Variants in KCNS1 observed in about 807,000 individuals in gnomAD.
KCNS1 encodes the protein potassium voltage-gated channel modifier subfamily S member 1.
KCNS1 carries 26 observed loss-of-function variants against 33.1 expected under a neutral mutation model. The ratio of observed to expected loss-of-function variants is 0.79; its 90% CI spans 0.58 to 1.09. The LOEUF is 1.09. KCNS1 is among the 50% of genes least tolerant of loss of function. KCNS1 has a pLI of 0.00. For missense variants in KCNS1, 702 were observed against 752.4 expected (o/e 0.93, Z 0.78); for synonymous variants, 299 against 338.8 (o/e 0.88, Z 1.29).
In KCNS1 at chr20:45,098,504, G is replaced by GC. The variant is rs1981286330; in HGVS notation, c.267dup (p.Arg90AlafsTer286). On this transcript the variant is annotated frameshift_variant, in exon 3 of 4. Transcript: ENST00000537075. LOFTEE classifies it high-confidence loss of function. This position sits in a 1 kb window ranked among gnomAD's most constrained non-coding sequence, Gnocchi z 5.2. ...GCCTCGTCGTAGTCGTCGCACAGGC[G>GC]CCGCGCCTGCTCCTCCGACGCCGCG... The GC allele has an allele frequency of 6.5e-7, 1 of 1,536,960 alleles. No homozygotes were observed. Among genetic ancestry groups the GC allele is most frequent in the African/African-American group, 1.4e-5 (1 of 71,004 alleles).
In KCNS1 at chr20:45,098,728, C is replaced by A; in HGVS notation, c.77-33G>T. The A allele has an allele frequency of 7.5e-7, 1 of 1,341,188 alleles. No individual in the cohort carries two copies. Among genetic ancestry groups the A allele is most frequent in the South Asian group, 2.0e-5 (1 of 48,860 alleles). The allele number at this position is 1,341,188 out of a possible 1,614,324, so 83.1% of individuals were successfully genotyped here. On this transcript the variant is annotated intron_variant, in intron 2 of 3. Coordinates refer to ENST00000537075, the MANE Select transcript of KCNS1 (RefSeq NM_001322799.2). This position sits in a 1 kb window ranked among gnomAD's most constrained non-coding sequence, Gnocchi z 5.2. ...CACCAGAAGGGCGCGCTGAGGAGTT[C>A]CCGGGCTTCCCTTCCTGGAAGACCA...
At chr20:45,099,846 C>T (rs1164722056) in intron 1 of KCNS1, among the ~76,000 whole-genome samples, 1 of 152,216 alleles carries the variant, frequency 6.6e-6, no homozygotes, top group Non-Finnish European at 1.5e-5. Context: ...GCTAGTGACA[C>T]CTCCTCACCA....
chr20:45,097,579 G>T, intron 3 of KCNS1, 83 bp downstream of exon 3: 1 of 1,358,448 alleles, frequency 7.4e-7, no homozygotes, highest in Non-Finnish European at 1.0e-6. Flanking sequence ...GCCTGGACTC[G>T]GCAGGCTTGT....
At position 45,094,979 on chromosome 20, in the gene KCNS1, C is replaced by G. The variant is rs765465660; in HGVS notation, c.1472G>C (p.Gly491Ala). Reference sequence around the variant, plus strand: ...TGTCTCCAGAGATGCCTCCGACACCCCATCAATGCTGCTCAGCAAGTCCTC... The same window carrying G: ...TGTCTCCAGAGATGCCTCCGACACCGCATCAATGCTGCTCAGCAAGTCCTC... ...EFEDLLSSID[G>A]VSEASLETSR... The change falls in exon 4 of 4, where the codon GGG (glycine) becomes GCG (alanine). Residue 491 changes from glycine to alanine, a missense_variant. By Grantham distance (60) the Gly-to-Ala change is moderately conservative. Coordinates refer to ENST00000537075, the MANE Select transcript of KCNS1 (RefSeq NM_001322799.2). 1 of 1,613,820 alleles carries G rather than the reference C, an allele frequency of 6.2e-7. No individual in the cohort carries two copies. The highest frequency in any genetic ancestry group is 2.2e-5 in the East Asian group (1 of 44,848).
chr20:45,098,182 G>C lies in KCNS1; in HGVS notation c.590C>G (p.Ala197Gly). The C allele has an allele frequency of 6.2e-7, 1 of 1,603,266 alleles. No individual in the cohort carries two copies. The highest frequency in any genetic ancestry group is 8.5e-7 in the Non-Finnish European group (1 of 1,175,986). ...VQRELARYGA[A>G]RCGRLRRRLW... ...GCGGCGGCGCAGGCGGCCACAGCGC[G>C]CCGCGCCATAGCGCGCCAGTTCTCG... The change falls in exon 3 of 4, where the codon GCG becomes GGG. Residue 197 changes from alanine to glycine, a missense_variant. Transcript: ENST00000537075. The surrounding 1 kb of genome is among the most constrained non-coding windows in gnomAD (Gnocchi z 5.2).
At chr20:45,099,292 C>CG in intron 1 of KCNS1, 53 bp from the exon 2 acceptor site, 2 of 967,778 alleles carry the variant, frequency 2.1e-6, no homozygotes, top group Non-Finnish European at 3.3e-6. Flanking sequence ...TTTACTGAAT[C>CG]GGGAACTCTA....
At chr20:45,097,073 C>T (rs1238965462) in intron 3 of KCNS1, among the ~76,000 whole-genome samples, 2 of 152,266 alleles carry the variant, frequency 1.3e-5, no homozygotes, top group Non-Finnish European at 2.9e-5. Context: ...CCAGGCTTTA[C>T]AGAGCCAACC....
At position 45,098,655 on chromosome 20, in the gene KCNS1, G is replaced by T. The variant is rs201526054; in HGVS notation, c.117C>A (p.Pro39=). ...TTCGCCGCCAGCGGATCCCGGTGTC[G>T]GGGCCCGGGAACTCGCTCACAAAGG... ...TETFVSEFPG[P]DTGIRWRRSD... The change falls in exon 3 of 4, where the codon CCC becomes CCA. Residue 39 remains proline, a synonymous_variant. Coordinates refer to ENST00000537075, the MANE Select transcript of KCNS1 (RefSeq NM_001322799.2). This position sits in a 1 kb window ranked among gnomAD's most constrained non-coding sequence, Gnocchi z 5.2. 19 of 1,466,894 alleles carry T rather than the reference G, an allele frequency of 1.3e-5. No homozygotes were observed. The highest frequency in any genetic ancestry group is 1.7e-5 in the Non-Finnish European group (19 of 1,111,088). The allele number at this position is 1,466,894 out of a possible 1,614,324, so 90.9% of individuals were successfully genotyped here.
intron 3 of KCNS1, 64 bp from the exon 4 acceptor site, chr20:45,095,404 T>C (rs866195472): frequency 4.9e-6 from 7 of 1,420,728 alleles, no homozygotes; most frequent in Non-Finnish European, 6.7e-6. Flanking sequence ...ATTAGGCATA[T>C]GGGGAAACTG....
At position 45,098,244 on chromosome 20, in the gene KCNS1, G is replaced by A. The variant is rs1194823861; in HGVS notation, c.528C>T (p.Ser176=). 4 of 1,600,086 alleles carry A rather than the reference G, an allele frequency of 2.5e-6. No individual in the cohort carries two copies. The highest frequency in any genetic ancestry group is 3.4e-6 in the Non-Finnish European group (4 of 1,175,214). Residue 176 remains serine (S), a synonymous_variant, in exon 3 of 4, where the codon AGC becomes AGT. Coordinates refer to ENST00000537075, the MANE Select transcript of KCNS1 (RefSeq NM_001322799.2). The surrounding 1 kb of genome is among the most constrained non-coding windows in gnomAD (Gnocchi z 5.2). The part of the protein sequence containing the change: ...AWDEDSDTPS[S]VDPCPDEISD... ...AGATCTCGTCGGGGCACGGGTCCAC[G>A]CTGCTCGGCGTGTCGCTGTCCTCGT...
In KCNS1 at chr20:45,093,290, T is replaced by G. The variant is rs1304353714; in HGVS notation, c.*1580A>C. Reference sequence around the variant, plus strand: ...GAGTGAAGAACCTACAAGGAATATATTGTAAAAACTTCAAGAACCAAGCAG... The same window carrying G: ...GAGTGAAGAACCTACAAGGAATATAGTGTAAAAACTTCAAGAACCAAGCAG... On this transcript the variant is annotated 3_prime_UTR_variant, in exon 4 of 4. Transcript: ENST00000537075. 1.3e-5 allele frequency: 2 copies of G among 152,092 alleles called. No individual in the cohort carries two copies. Among genetic ancestry groups the G allele is most frequent in the Admixed American group, 1.3e-4 (2 of 15,260 alleles). The allele number at this position is 152,092 out of a possible 1,614,324, so 9.4% of individuals were successfully genotyped here. A position where few individuals can be genotyped will look rare whatever the true frequency, so the allele number is the denominator to read the frequency against.
rs1184152917 is a variant in KCNS1 at position 45,098,642 on chromosome 20, G to A, written c.130C>T (p.Arg44Cys). ...AGCGCCTCGTCGCTTCGCCGCCAGC[G>A]GATCCCGGTGTCGGGGCCCGGGAAC... is the stretch of plus-strand genomic sequence containing the variant. The part of the protein sequence containing the change: ...SEFPGPDTGI[R>C]WRRSDEALRV... Residue 44 changes from arginine (R) to cysteine (C), a missense_variant, in exon 3 of 4, where the codon CGC (arginine) becomes TGC (cysteine). Physicochemically the swap from Arg to Cys is radical, Grantham distance 180. This residue lies in a region of KCNS1 where 374 missense variants were observed against 352.3 expected (regional missense o/e 1.06). Coordinates refer to ENST00000537075, the MANE Select transcript of KCNS1 (RefSeq NM_001322799.2). This position sits in a 1 kb window ranked among gnomAD's most constrained non-coding sequence, Gnocchi z 5.2. 6.1e-6 allele frequency: 9 copies of A among 1,473,862 alleles called. No homozygotes were observed. Among genetic ancestry groups the A allele is most frequent in the Non-Finnish European group, 8.1e-6 (9 of 1,113,860 alleles). 91.3% of individuals were successfully genotyped at this position (1,473,862 alleles called of 1,614,324 possible).
rs1484004761 is a variant in KCNS1 at position 45,099,274 on chromosome 20, G to A, written c.-3-35C>T. On this transcript the variant is annotated intron_variant, in intron 1 of 3. Coordinates refer to ENST00000537075, the MANE Select transcript of KCNS1 (RefSeq NM_001322799.2). ...TGTCAAAGATGCAAATTCTCAGCCT[G>A]CCATCGATTTACTGAATCGGGAACT... The A allele has an allele frequency of 3.7e-5, 42 of 1,133,946 alleles. No homozygotes were observed. In the Admixed American group the frequency reaches 7.7e-4, roughly 21 times the overall value. The allele number at this position is 1,133,946 out of a possible 1,614,324, so 70.2% of individuals were successfully genotyped here.
Position 45,097,977 on chromosome 20 carries a change from G to A in KCNS1, c.795C>T (p.Gly265=), listed in dbSNP as rs1030401147. ...GTCGCAGCACCGGGTCGTCGCGCAC[G>A]CCTTCCGGGCTGCGGCCCGCGGCCA... ...AAVAAGRSPE[G]VRDDPVLRRL... The change falls in exon 3 of 4, where the codon GGC becomes GGT. Residue 265 remains glycine (G), a synonymous_variant. Transcript: ENST00000537075. The A allele has an allele frequency of 6.5e-7, 1 of 1,545,214 alleles. No individual in the cohort carries two copies. The highest frequency in any genetic ancestry group is 2.0e-5 in the Admixed American group (1 of 50,166).
At position 45,098,171 on chromosome 20, in the gene KCNS1, G is replaced by A; in HGVS notation, c.601C>T (p.Arg201Cys). 6.2e-7 allele frequency: 1 copy of A among 1,601,608 alleles called. No individual in the cohort carries two copies. Residue 201 changes from arginine to cysteine, a missense_variant, in exon 3 of 4, where the codon CGC becomes TGC. By Grantham distance (180) the Arg-to-Cys change is radical (BLOSUM62 -3). This residue lies in a region of KCNS1 where 374 missense variants were observed against 352.3 expected (regional missense o/e 1.06). Coordinates refer to ENST00000537075, the MANE Select transcript of KCNS1 (RefSeq NM_001322799.2). The surrounding 1 kb of genome is among the most constrained non-coding windows in gnomAD (Gnocchi z 5.2). ...LARYGAARCG[R>C]LRRRLWLTME... Reference sequence around the variant, plus strand: ...GTCAGCCAGAGGCGGCGGCGCAGGCGGCCACAGCGCGCCGCGCCATAGCGC... The same window carrying A: ...GTCAGCCAGAGGCGGCGGCGCAGGCAGCCACAGCGCGCCGCGCCATAGCGC...
chr20:45,097,811 G>C lies in KCNS1; in HGVS notation c.961C>G (p.Leu321Val). 3 of 1,613,694 alleles carry C rather than the reference G, an allele frequency of 1.9e-6. No homozygotes were observed. The highest frequency in any genetic ancestry group is 2.5e-6 in the Non-Finnish European group (3 of 1,179,978). The stretch of plus-strand genomic sequence containing the variant: ...TGGTCGCCCAGTGCCACACCAGCCA[G>C]CAGCGTGAGATAGAAGGGCAGCACA... ...VSVLPFYLTLLAGVALGDQGG... is the reference protein window; with the variant it reads ...VSVLPFYLTLVAGVALGDQGG... The change falls in exon 3 of 4, where the codon CTG becomes GTG. Residue 321 changes from leucine to valine, a missense_variant. Leu to Val is a conservative substitution (Grantham distance 32). Around this residue, in one of 3 missense-constraint regions of KCNS1, gnomAD observed 253 missense variants for 327.4 expected, o/e 0.77. Coordinates refer to ENST00000537075, the MANE Select transcript of KCNS1 (RefSeq NM_001322799.2).
At position 45,098,393 on chromosome 20, in the gene KCNS1, C is replaced by G. The variant is rs1212942586; in HGVS notation, c.379G>C (p.Asp127His). 1 of 1,591,346 alleles carries G rather than the reference C, an allele frequency of 6.3e-7. No homozygotes were observed. The highest frequency in any genetic ancestry group is 1.7e-5 in the Admixed American group (1 of 57,934). Residue 127 changes from aspartate to histidine, a missense_variant, in exon 3 of 4, where the codon GAC (aspartate) becomes CAC (histidine). This residue lies in a region of KCNS1 where 374 missense variants were observed against 352.3 expected (regional missense o/e 1.06). Transcript: ENST00000537075. The surrounding 1 kb of genome is among the most constrained non-coding windows in gnomAD (Gnocchi z 5.2). Reference protein sequence around the residue: ...FYRTGHLHVLDELCVFAFGQE... With the variant: ...FYRTGHLHVLHELCVFAFGQE... ...CCAAAGGCGAAGACGCACAGCTCGT[C>G]GAGCACGTGCAGGTGGCCAGTGCGG...
rs751538602 is a variant in KCNS1, at chr20:45,097,685, G to A, written c.1087C>T (p.Arg363Cys). 1 of 1,607,490 alleles carries A rather than the reference G, an allele frequency of 6.2e-7. No homozygotes were observed. Among genetic ancestry groups the A allele is most frequent in the Non-Finnish European group, 8.5e-7 (1 of 1,179,624 alleles). Residue 363 changes from arginine to cysteine, a missense_variant, in exon 3 of 4, where the codon CGC (arginine) becomes TGC (cysteine). Arg to Cys is a radical substitution (Grantham distance 180). This residue lies in a region of KCNS1 where 253 missense variants were observed against 327.4 expected (regional missense o/e 0.77). Transcript: ENST00000537075. Reference protein sequence around the residue: ...LKLARHSTGLRSLGATLKHSY... With the variant: ...LKLARHSTGLCSLGATLKHSY... ...ACCTTGAGCGTGGCTCCCAGCGAGC[G>A]CAGCCCGGTGGAATGGCGCGCCAAC...
chr20:45,097,716 T>C lies in KCNS1; in HGVS notation c.1056A>G (p.Val352=). 6.2e-7 allele frequency: 1 copy of C among 1,611,586 alleles called. No individual in the cohort carries two copies. The highest frequency in any genetic ancestry group is 8.5e-7 in the Non-Finnish European group (1 of 1,179,924). Residue 352 remains valine, a synonymous_variant, in exon 3 of 4, where the codon GTA becomes GTG. Transcript: ENST00000537075. ...QVFRLMRIFR[V]LKLARHSTGL... is the part of the protein sequence containing the mutation. The stretch of plus-strand genomic sequence containing the variant: ...CGGTGGAATGGCGCGCCAACTTGAG[T>C]ACGCGGAAGATGCGCATGAGGCGGA...
Sources: allele counts gnomAD v4.1 joint callset (sites outside exome capture counted in the v4.1 genomes callset), GRCh38; gene constraint gnomAD v4.1.1; regional missense constraint gnomAD v4.1.1; non-coding constraint Gnocchi (gnomAD v3.1); transcripts MANE v1.5; gene names NCBI Gene and HGNC (gene_info 2026-07-23, HGNC 2026-07-21).